Variants in TNNI3K observed in about 807,000 individuals in gnomAD.
The protein encoded by TNNI3K is serine/threonine-protein kinase TNNI3K.
Under a neutral mutation model 114.5 loss-of-function variants are expected in TNNI3K, and 140 were observed. The observed-to-expected ratio is 1.22, with a 90% confidence interval of 1.07 to 1.41. The LOEUF (loss-of-function observed/expected upper bound fraction) is 1.41, where lower values mean the gene tolerates loss of function less well. Among genes scored for constraint, TNNI3K ranks in the 40% most tolerant of loss-of-function variants. The pLI is 0.00. For missense variants in TNNI3K, 1,125 were observed against 1,007.6 expected (o/e 1.12, Z -1.58); for synonymous variants, 347 against 347.5 (o/e 1.00, Z 0.02).
chr1:74,273,532 T>A (rs1303957110), intron 5 of TNNI3K, among the ~76,000 whole-genome samples: 2 of 151,970 alleles, frequency 1.3e-5, no homozygotes, highest in East Asian at 3.9e-4. Flanking sequence ...AAATCCTTTT[T>A]TTCCTAATGT....
At chr1:74,416,126 A>G (rs1037666317) in intron 17 of TNNI3K, among the ~76,000 whole-genome samples, 2 of 152,174 alleles carry the variant, frequency 1.3e-5, no homozygotes, top group East Asian at 1.9e-4. Flanking sequence ...TCACCAGAGT[A>G]TCTCTGGTTC....
At chr1:74,491,667 A>G (rs1201267178) in intron 22 of TNNI3K, among the ~76,000 whole-genome samples, 1 of 152,202 alleles carries the variant, frequency 6.6e-6, no homozygotes, top group African/African-American at 2.4e-5. Context: ...GTATTCTTGG[A>G]AAAGTGTGTA....
At position 74,518,873 on chromosome 1, in the gene TNNI3K, C is replaced by CTTTTTTTTTTTTT. The variant is rs1646388103; in HGVS notation, c.2352-21361_2352-21360insTTTTTTTTTTTTT. Among the ~76,000 whole-genome samples, 18 of 100,358 alleles carry CTTTTTTTTTTTTT rather than the reference C, an allele frequency of 1.8e-4. 1 individual carries two copies. Among genetic ancestry groups the CTTTTTTTTTTTTT allele is most frequent in the Admixed American group, 3.1e-4 (3 of 9,610 alleles). 65.8% of individuals were successfully genotyped at this position (100,358 alleles called of 152,430 possible). ...TTTTATTTTATTTTATTTTTTTTCC[C>CTTTTTTTTTTTTT]CTTTTTTTTTTTTTTTTTTTTATTA... is the stretch of plus-strand genomic sequence containing the variant. On this transcript the variant is annotated intron_variant, in intron 23 of 24. Coordinates refer to ENST00000326637, the MANE Select transcript of TNNI3K (RefSeq NM_015978.3).
At chr1:74,283,216 G>A (rs532662199) in intron 5 of TNNI3K, among the ~76,000 whole-genome samples, 34 of 152,008 alleles carry the variant, frequency 2.2e-4, no homozygotes, top group Non-Finnish European at 3.4e-4. Context: ...TGGTTTCCTC[G>A]GGAGTTGAAA....
chr1:74,326,127 A>C (rs1032921568), intron 5 of TNNI3K, among the ~76,000 whole-genome samples: 11 of 152,226 alleles, frequency 7.2e-5, no homozygotes, highest in African/African-American at 2.7e-4. Flanking sequence ...ATAGAAAATA[A>C]AATACCACTT....
chr1:74,426,065 A>AT (rs1293965767), intron 17 of TNNI3K, among the ~76,000 whole-genome samples: 1 of 152,124 alleles, frequency 6.6e-6, no homozygotes, highest in Non-Finnish European at 1.5e-5. Flanking sequence ...TGGAAGGCAT[A>AT]TGGGACTAAG....
At chr1:74,256,500 C>G (rs1011475191) in intron 4 of TNNI3K, among the ~76,000 whole-genome samples, 11 of 151,654 alleles carry the variant, frequency 7.3e-5, no homozygotes, top group African/African-American at 2.7e-4. Context: ...TGTGAGGGAA[C>G]TTTATCTATT....
chr1:74,481,935 C>T (rs1457700826), intron 21 of TNNI3K, among the ~76,000 whole-genome samples: 4 of 152,028 alleles, frequency 2.6e-5, no homozygotes, highest in African/African-American at 7.3e-5. Context: ...GACTGCATCG[C>T]GGAAACAAAG....
chr1:74,264,615 G>C (rs1655861430), intron 4 of TNNI3K, among the ~76,000 whole-genome samples: 2 of 152,002 alleles, frequency 1.3e-5, no homozygotes, highest in South Asian at 4.1e-4. Flanking sequence ...CAGAAACTTA[G>C]TTTTCTTTCC....
chr1:74,286,951 C>T (rs1376189086), intron 5 of TNNI3K, among the ~76,000 whole-genome samples: 1 of 151,972 alleles, frequency 6.6e-6, no homozygotes, highest in Non-Finnish European at 1.5e-5. Flanking sequence ...TAAAGAGGCT[C>T]AATGTGCTCC....
chr1:74,360,260 C>T (rs1245333996), intron 11 of TNNI3K, among the ~76,000 whole-genome samples: 2 of 151,900 alleles, frequency 1.3e-5, no homozygotes, highest in African/African-American at 4.8e-5. Flanking sequence ...TATTATTCCC[C>T]AGTCTAAAAC....
At chr1:74,376,351 T>C (rs1320475724) in intron 17 of TNNI3K, among the ~76,000 whole-genome samples, 2 of 151,996 alleles carry the variant, frequency 1.3e-5, no homozygotes, top group African/African-American at 4.8e-5. Flanking sequence ...CCATGTATTA[T>C]AGAGTCCCTC....
chr1:74,505,648 G>C (rs372301395), intron 23 of TNNI3K, among the ~76,000 whole-genome samples: 3 of 151,686 alleles, frequency 2.0e-5, no homozygotes, highest in African/African-American at 7.3e-5. Flanking sequence ...TTGCTTACTC[G>C]TATTTGAAGC....
At chr1:74,436,977 A>G (rs1174703697) in intron 19 of TNNI3K, among the ~76,000 whole-genome samples, 1 of 152,060 alleles carries the variant, frequency 6.6e-6, no homozygotes, top group African/African-American at 2.4e-5. Context: ...AATATAAATT[A>G]TAATAACTGA....
intron 4 of TNNI3K, among the ~76,000 whole-genome samples, chr1:74,258,789 T>C (rs1221594247): frequency 1.3e-5 from 2 of 152,250 alleles, no homozygotes; most frequent in Non-Finnish European, 2.9e-5. Context: ...TCAACCCTAA[T>C]GGTTTTCAAT....
chr1:74,401,778 T>G (rs573356770), intron 17 of TNNI3K: 6 of 435,226 alleles, frequency 1.4e-5, no homozygotes, highest in South Asian at 9.8e-5. Flanking sequence ...ATAAAATTGC[T>G]ATGTAATTAA....
intron 21 of TNNI3K, chr1:74,471,904 A>T (rs1356701372): frequency 4.0e-6 from 2 of 503,202 alleles, no homozygotes; most frequent in Non-Finnish European, 7.0e-6. Flanking sequence ...ATATTTACAG[A>T]TAAGAGAATT....
intron 5 of TNNI3K, among the ~76,000 whole-genome samples, chr1:74,279,103 C>T (rs936815730): frequency 6.6e-6 from 1 of 152,172 alleles, no homozygotes; most frequent in Non-Finnish European, 1.5e-5. Context: ...AACTACACTT[C>T]TAGTCACAAA....
chr1:74,271,463 T>TA (rs2100894115), intron 4 of TNNI3K, 135 bp from the exon 5 acceptor site: 1 of 735,558 alleles, frequency 1.4e-6, no homozygotes, highest in East Asian at 2.7e-5. Context: ...AATGTGCTCT[T>TA]ATGCTAGAAA....
Sources: allele counts gnomAD v4.1 joint callset (sites outside exome capture counted in the v4.1 genomes callset), GRCh38; gene constraint gnomAD v4.1.1; transcripts MANE v1.5; gene names NCBI Gene and HGNC (gene_info 2026-07-23, HGNC 2026-07-21).